Variants in SRP72 observed in about 807,000 individuals in gnomAD.
SRP72 encodes the protein signal recognition particle 72.
SRP72 carries 49 observed loss-of-function variants against 96.3 expected under a neutral mutation model. The observed-to-expected ratio is 0.51, with a 90% CI of 0.40 to 0.65. SRP72 has a LOEUF of 0.65. Among genes scored for constraint, SRP72 ranks in the 30% least tolerant of loss-of-function variants. The pLI is 0.00. For missense variants in SRP72, 736 were observed against 793.3 expected (o/e 0.93, Z 0.87); for synonymous variants, 267 against 275.2 (o/e 0.97, Z 0.30).
At chr4:56,490,200 C>G (rs982026455) in intron 13 of SRP72, 133 bp from the exon 14 acceptor site, 2 of 655,842 alleles carry the variant, frequency 3.0e-6, no homozygotes, top group Non-Finnish European at 5.2e-6. Flanking sequence ...TTTGTTGTTT[C>G]AGGCATTCAG....
chr4:56,486,374 T>C lies in SRP72; in HGVS notation c.1136T>C (p.Met379Thr). 1 of 1,602,898 alleles carries C rather than the reference T, an allele frequency of 6.2e-7. No individual in the cohort carries two copies. The highest frequency in any genetic ancestry group is 8.5e-7 in the Non-Finnish European group (1 of 1,172,594). ...AATGCAGCTGAAATTAAGCTGACCA[T>C]GGCACAGTTGAAAATTTCTCAAGGT... ...PENAAEIKLT[M>T]AQLKISQGNI... Residue 379 changes from methionine (M) to threonine (T), a missense_variant, in exon 11 of 19, where the codon ATG becomes ACG. This residue lies in a region of SRP72 where 388 missense variants were observed against 431.8 expected (regional missense o/e 0.90). Coordinates refer to ENST00000642900, the MANE Select transcript of SRP72 (RefSeq NM_006947.4).
chr4:56,473,927 A>T lies in SRP72; in HGVS notation c.355-127A>T, dbSNP rs1015729930. On this transcript the variant is annotated intron_variant, in intron 3 of 18. Transcript: ENST00000642900. ...AACTATTTAAAAATTATAAAACATA[A>T]ACAGTTGATTGTTCATGTTATGCTG... is the stretch of plus-strand genomic sequence containing the variant. The T allele has an allele frequency of 4.7e-6, 4 of 847,574 alleles. No individual in the cohort carries two copies. The African/African-American group carries it at 5.1e-5, about 11-fold the overall frequency. 52.5% of individuals were successfully genotyped at this position (847,574 alleles called of 1,614,324 possible).
rs1415046010 is a variant in SRP72 at position 56,469,674 on chromosome 4, A to G, written c.131A>G (p.Asp44Gly). ...CTAGTACTACAGATCAACAAAGATG[A>G]CGTAACTGCCCTGCATTGTAAAGTG... Reference protein sequence around the residue: ...VNKILQINKDDVTALHCKVVC... With the variant: ...VNKILQINKDGVTALHCKVVC... Residue 44 changes from aspartate (D) to glycine (G), a missense_variant, in exon 2 of 19, where the codon GAC becomes GGC. By Grantham distance (94) the Asp-to-Gly change is moderately conservative. Coordinates refer to ENST00000642900, the MANE Select transcript of SRP72 (RefSeq NM_006947.4). The G allele has an allele frequency of 6.2e-7, 1 of 1,606,702 alleles. No homozygotes were observed. The highest frequency in any genetic ancestry group is 1.1e-5 in the South Asian group (1 of 90,352).
intron 17 of SRP72, among the ~76,000 whole-genome samples, chr4:56,498,879 C>G (rs1171900573): frequency 6.6e-6 from 1 of 152,160 alleles, no homozygotes; most frequent in Non-Finnish European, 1.5e-5. Context: ...CTCCATCAAG[C>G]TGCCATTGAC....
chr4:56,492,713 G>A (rs1256955980), intron 16 of SRP72, among the ~76,000 whole-genome samples: 5 of 152,124 alleles, frequency 3.3e-5, no homozygotes, highest in African/African-American at 9.7e-5. Context: ...ACATTGTTCC[G>A]AATTCCATTT....
intron 17 of SRP72, among the ~76,000 whole-genome samples, chr4:56,497,182 T>C (rs1380704581): frequency 1.3e-5 from 2 of 151,792 alleles, no homozygotes; most frequent in African/African-American, 4.8e-5. Context: ...AATTAATAGA[T>C]GCACTTCACT....
At chr4:56,491,396 G>T (rs1358805310) in intron 15 of SRP72, 35 bp from the exon 16 acceptor site, 1 of 1,605,406 alleles carries the variant, frequency 6.2e-7, no homozygotes, top group East Asian at 2.2e-5. Flanking sequence ...GTGTGTTTGT[G>T]TATATTATGT....
intron 17 of SRP72, 147 bp from the exon 18 acceptor site, chr4:56,500,389 G>A (rs1472842593): frequency 3.2e-5 from 26 of 823,208 alleles, no homozygotes; most frequent in East Asian, 2.7e-5. Flanking sequence ...AGACCATTTC[G>A]CCTGCTAGAT....
At chr4:56,475,723 G>T (rs1057294784) in intron 5 of SRP72, 1 of 152,174 alleles carries the variant, frequency 6.6e-6, no homozygotes, top group Admixed American at 6.5e-5. Context: ...TTGTGGGTTT[G>T]AATGTAAGAG....
Position 56,474,102 on chromosome 4 carries a change from C to T in SRP72, c.403C>T (p.Leu135Phe). The T allele has an allele frequency of 6.2e-7, 1 of 1,614,120 alleles. No homozygotes were observed. The highest frequency in any genetic ancestry group is 8.5e-7 in the Non-Finnish European group (1 of 1,180,022). The change falls in exon 4 of 19, where the codon CTC becomes TTC. Residue 135 changes from leucine (L) to phenylalanine (F), a missense_variant. By Grantham distance (22) the Leu-to-Phe change is conservative (BLOSUM62 0). This residue lies in a region of SRP72 where 329 missense variants were observed against 319.0 expected (regional missense o/e 1.03). Coordinates refer to ENST00000642900, the MANE Select transcript of SRP72 (RefSeq NM_006947.4). ...TGAATGCTTAGCAGTGTATAGAGAT[C>T]TCGTCCGAAACTCCCAAGATGATTA... ...YDECLAVYRD[L>F]VRNSQDDYDE... is the part of the protein sequence containing the mutation.
Position 56,478,600 on chromosome 4 carries a change from A to T in SRP72, c.776A>T (p.Asp259Val). 6.2e-7 allele frequency: 1 copy of T among 1,614,052 alleles called. No homozygotes were observed. The highest frequency in any genetic ancestry group is 8.5e-7 in the Non-Finnish European group (1 of 1,179,962). The change falls in exon 8 of 19, where the codon GAT (aspartate) becomes GTT (valine). Residue 259 changes from aspartate to valine, a missense_variant. Around this residue, in one of 3 missense-constraint regions of SRP72, gnomAD observed 329 missense variants for 319.0 expected, o/e 1.03. Coordinates refer to ENST00000642900, the MANE Select transcript of SRP72 (RefSeq NM_006947.4). ...YNQIIKLKPTDVGLLAVIANN... is the reference protein window; with the variant it reads ...YNQIIKLKPTVVGLLAVIANN... ...TTGCTTGTTGTTCACAGACCAACAG[A>T]TGTGGGATTACTAGCTGTAATTGCA...
chr4:56,475,376 A>G (rs1487077012), intron 5 of SRP72, among the ~76,000 whole-genome samples: 1 of 150,336 alleles, frequency 6.7e-6, no homozygotes, highest in Non-Finnish European at 1.5e-5. Flanking sequence ...TGGGTAATAT[A>G]GTAAGCCTTC....
chr4:56,484,026 A>ATT lies in SRP72; in HGVS notation c.958-686_958-685dup, dbSNP rs539665243. 5.7e-3 allele frequency among the ~76,000 whole-genome samples: 492 copies of ATT among 86,536 alleles called. 16 individuals are homozygous for ATT. The highest frequency in any genetic ancestry group is 6.4e-3 in the African/African-American group (128 of 19,886). 56.8% of individuals were successfully genotyped at this position (86,536 alleles called of 152,430 possible). A position where few individuals can be genotyped will look rare whatever the true frequency, so the allele number is the denominator to read the frequency against. ...TTTAGTGGGAGACAGAGAAGCAGTA[A>ATT]TTTTTTTTTTTTTTTTTTTTTTTTT... On this transcript the variant is annotated intron_variant, in intron 9 of 18. Transcript: ENST00000642900.
chr4:56,497,228 T>A (rs142501596), intron 17 of SRP72, among the ~76,000 whole-genome samples: 7,469 of 150,286 alleles, frequency 0.05, 258 homozygotes, highest in African/African-American at 0.091. Flanking sequence ...TTATTTATTT[T>A]TTTTTTTTTG....
intron 10 of SRP72, 49 bp downstream of exon 10, chr4:56,484,913 A>T (rs529493386): frequency 1.3e-6 from 2 of 1,589,224 alleles, no homozygotes; most frequent in Admixed American, 3.7e-5. Flanking sequence ...GCTTTGTTTC[A>T]TTTTCATTGT....
chr4:56,490,705 ATC>A, intron 15 of SRP72, 60 bp downstream of exon 15: 1 of 1,416,802 alleles, frequency 7.1e-7, no homozygotes, highest in South Asian at 1.2e-5. Context: ...CTCTTCTGAT[ATC>A]TGTGTTTTGA....
At position 56,469,675 on chromosome 4, in the gene SRP72, C is replaced by A; in HGVS notation, c.132C>A (p.Asp44Glu). Residue 44 changes from aspartate to glutamate, a missense_variant, in exon 2 of 19, where the codon GAC (aspartate) becomes GAA (glutamate). By Grantham distance (45) the Asp-to-Glu change is conservative. Around this residue, in one of 3 missense-constraint regions of SRP72, gnomAD observed 329 missense variants for 319.0 expected, o/e 1.03. Transcript: ENST00000642900. ...TAGTACTACAGATCAACAAAGATGACGTAACTGCCCTGCATTGTAAAGTGG... is the reference window on the plus strand; with the variant it reads ...TAGTACTACAGATCAACAAAGATGAAGTAACTGCCCTGCATTGTAAAGTGG... ...VNKILQINKD[D>E]VTALHCKVVC... 1 of 1,605,612 alleles carries A rather than the reference C, an allele frequency of 6.2e-7. No individual in the cohort carries two copies. The highest frequency in any genetic ancestry group is 2.2e-5 in the East Asian group (1 of 44,696).
At chr4:56,490,738 A>T (rs1720877174) in intron 15 of SRP72, 93 bp downstream of exon 15, 1 of 1,017,954 alleles carries the variant, frequency 9.8e-7, no homozygotes, top group Admixed American at 2.8e-5. Flanking sequence ...TTCAATTGTA[A>T]ACTGCAACTA....
chr4:56,475,125 G>GA lies in SRP72; in HGVS notation c.610+741dup, dbSNP rs529885892. Among the ~76,000 whole-genome samples the GA allele has an allele frequency of 7.0e-4, 107 of 152,144 alleles. 1 individual carries two copies. Among genetic ancestry groups the GA allele is most frequent in the Middle Eastern group, 3.4e-3 (1 of 294 alleles). ...AGGTACTGCAGTGATCACTGGGGTG[G>GA]AAAAAAAGGTGAAACAAAGTCTGTT... On this transcript the variant is annotated intron_variant, in intron 5 of 18. Transcript: ENST00000642900.
Sources: gnomAD v4.1 joint callset for allele counts (sites outside exome capture counted in the v4.1 genomes callset) on GRCh38, gnomAD v4.1.1 for gene constraint, gnomAD v4.1.1 regional missense constraint, MANE v1.5 for transcripts, NCBI Gene and HGNC (gene_info 2026-07-23, HGNC 2026-07-21) for gene names.